The following DAB1 variants were observed in gnomAD, a reference collection of about 807,000 sequenced individuals.
DAB1 encodes DAB adaptor protein 1, also known as disabled homolog 1.
A neutral mutation model predicts 64.6 loss-of-function variants in DAB1; 15 were observed. The observed-to-expected ratio is 0.23, with a 90% confidence interval of 0.16 to 0.36. The LOEUF (loss-of-function observed/expected upper bound fraction) is 0.36, where lower values mean the gene tolerates loss of function less well. Among genes scored for constraint, DAB1 ranks in the 10% least tolerant of loss-of-function variants. DAB1 has a pLI of 1.00. For synonymous variants in DAB1, 235 were observed against 251.9 expected, an observed-to-expected ratio of 0.93 and a Z score of 0.64; for missense variants, 596 against 706.7, an observed-to-expected ratio of 0.84 and a Z score of 1.78.
chr1:58,023,608 T>G (rs2100459483), intron 5 of DAB1, among the ~76,000 whole-genome samples: 1 of 152,312 alleles, frequency 6.6e-6, no homozygotes, highest in East Asian at 1.9e-4. Context: ...TACCACCCAA[T>G]AAATAATTGT....
chr1:57,504,556 C>G (rs954967244), intron 7 of DAB1, among the ~76,000 whole-genome samples: 1 of 152,076 alleles, frequency 6.6e-6, no homozygotes, highest in Non-Finnish European at 1.5e-5. Context: ...TGATTGGATA[C>G]ATAAATGAAT....
At chr1:57,956,635 A>G (rs965668417) in intron 5 of DAB1, among the ~76,000 whole-genome samples, 4 of 152,308 alleles carry the variant, frequency 2.6e-5, no homozygotes, top group African/African-American at 9.6e-5. Flanking sequence ...CGAGATTGCC[A>G]CCTATTTACC....
At chr1:58,401,595 G>A (rs1390993672) in intron 3 of DAB1, among the ~76,000 whole-genome samples, 1 of 152,120 alleles carries the variant, frequency 6.6e-6, no homozygotes, top group Non-Finnish European at 1.5e-5. Context: ...TGTAATCTTT[G>A]AGAAGGCGTG....
intron 3 of DAB1, among the ~76,000 whole-genome samples, chr1:58,350,551 G>C (rs964696211): frequency 3.3e-5 from 5 of 152,120 alleles, no homozygotes; most frequent in African/African-American, 1.2e-4. Flanking sequence ...TGTTCTGAAT[G>C]GTATTGCCTA....
At chr1:57,019,406 G>A (rs1193512331) in intron 11 of DAB1, among the ~76,000 whole-genome samples, 1 of 151,960 alleles carries the variant, frequency 6.6e-6, no homozygotes, top group Non-Finnish European at 1.5e-5. Context: ...CACTTTTCTG[G>A]AGAGAGCTAT....
intron 5 of DAB1, among the ~76,000 whole-genome samples, chr1:57,948,729 C>T (rs976683885): frequency 6.6e-6 from 1 of 152,178 alleles, no homozygotes; most frequent in African/African-American, 2.4e-5. Context: ...TATGTTCTCT[C>T]TTGTACTTGA....
At position 57,177,366 on chromosome 1, in the gene DAB1, C is replaced by T. The variant is rs180869335; in HGVS notation, c.68-31937G>A. On this transcript the variant is annotated intron_variant, in intron 2 of 14. Coordinates refer to ENST00000371236, the MANE Select transcript of DAB1 (RefSeq NM_001365792.1). The stretch of plus-strand genomic sequence containing the variant: ...AAACAGGTTAATAAACTTGCATTTG[C>T]TTTTCTCTTGTTAATCTGTCTTTTG... 5.3e-5 allele frequency among the ~76,000 whole-genome samples: 8 copies of T among 152,244 alleles called. No homozygotes were observed. In the East Asian group the frequency reaches 1.5e-3, roughly 29 times the overall value.
intron 1 of DAB1, among the ~76,000 whole-genome samples, chr1:57,367,122 T>TAAAATAAAATAAAATAAAATAAAA (rs1570382070): frequency 8.1e-6 from 1 of 123,226 alleles, no homozygotes; most frequent in Non-Finnish European, 1.9e-5. Flanking sequence ...ATAAAATAAA[T>TAAAATAAAATAAAATAAAATAAAA]AAATTAGCCA....
chr1:58,139,209 C>T (rs1654139041), intron 5 of DAB1, among the ~76,000 whole-genome samples: 1 of 152,078 alleles, frequency 6.6e-6, no homozygotes, highest in Non-Finnish European at 1.5e-5. Context: ...CATCATTTCC[C>T]CTGCCCCAAG....
At chr1:57,358,183 A>C (rs901634423) in intron 1 of DAB1, among the ~76,000 whole-genome samples, 11 of 152,026 alleles carry the variant, frequency 7.2e-5, no homozygotes, top group Non-Finnish European at 1.3e-4. Context: ...TTCTAGCACT[A>C]TGCTGAACAG....
chr1:57,749,224 G>A (rs963500013), intron 6 of DAB1, among the ~76,000 whole-genome samples: 4 of 152,164 alleles, frequency 2.6e-5, no homozygotes, highest in Non-Finnish European at 5.9e-5. Context: ...TTGATATCCT[G>A]TCTTATCCAC....
intron 6 of DAB1, among the ~76,000 whole-genome samples, chr1:57,806,566 A>G (rs1241914819): frequency 1.3e-5 from 2 of 152,258 alleles, no homozygotes; most frequent in South Asian, 2.1e-4. Context: ...AACCAACCCT[A>G]TTGACACTTT....
intron 9 of DAB1, among the ~76,000 whole-genome samples, chr1:57,040,809 T>C (rs1458512276): frequency 6.6e-6 from 1 of 152,232 alleles, no homozygotes; most frequent in African/African-American, 2.4e-5. Context: ...AGATTTGGCA[T>C]CAGTTCAGTA....
intron 7 of DAB1, among the ~76,000 whole-genome samples, chr1:57,541,169 C>T (rs1168051150): frequency 6.6e-6 from 1 of 151,042 alleles, no homozygotes; most frequent in Non-Finnish European, 1.5e-5. Flanking sequence ...TGCTCTGTCA[C>T]CCAGGCTGGA....
chr1:57,918,067 CAATAAAT>C (rs1315928433), intron 5 of DAB1, among the ~76,000 whole-genome samples: 1 of 138,656 alleles, frequency 7.2e-6, no homozygotes, highest in East Asian at 2.2e-4. Flanking sequence ...GACTCCGTCT[CAATAAAT>C]AAATAAATAA....
At chr1:57,070,302 A>AT (rs1376012461) in intron 7 of DAB1, among the ~76,000 whole-genome samples, 4 of 152,196 alleles carry the variant, frequency 2.6e-5, no homozygotes, top group African/African-American at 4.8e-5. Context: ...TCAATAAGTC[A>AT]TTTTTTGGGC....
At chr1:57,604,911 C>T (rs978908387) in intron 7 of DAB1, among the ~76,000 whole-genome samples, 5 of 152,078 alleles carry the variant, frequency 3.3e-5, no homozygotes, top group Non-Finnish European at 5.9e-5. Flanking sequence ...TGAGACCTTA[C>T]TTGAAATATC....
chr1:57,440,317 G>C (rs1196730754), intron 7 of DAB1, among the ~76,000 whole-genome samples: 1 of 152,200 alleles, frequency 6.6e-6, no homozygotes, highest in Non-Finnish European at 1.5e-5. Context: ...GAGAGAAAGA[G>C]CTGCATACAA....
intron 1 of DAB1, among the ~76,000 whole-genome samples, chr1:57,403,524 C>A (rs988012713): frequency 4.6e-5 from 7 of 152,096 alleles, no homozygotes; most frequent in Non-Finnish European, 8.8e-5. Context: ...ACCTAAAGAG[C>A]CCACATAGAG....
Sources: gnomAD v4.1 joint callset for allele counts (sites outside exome capture counted in the v4.1 genomes callset) on GRCh38, gnomAD v4.1.1 for gene constraint, MANE v1.5 for transcripts, NCBI Gene and HGNC (gene_info 2026-07-23, HGNC 2026-07-21) for gene names.